TBCD: variants seen among roughly 807,000 people sequenced by gnomAD.
TBCD encodes tubulin folding cofactor D.
Under a neutral mutation model 169.3 loss-of-function variants are expected in TBCD, and 105 were observed. The observed-to-expected ratio is 0.62, with a 90% CI of 0.53 to 0.73. TBCD has a LOEUF of 0.73. TBCD is among the 30% of genes least tolerant of loss of function. The probability of loss-of-function intolerance (pLI) is 0.00; values close to 1 mark genes in which losing one functional copy is unlikely to be tolerated. For missense variants in TBCD, 1,444 were observed against 1,600.1 expected (o/e 0.90, Z 1.66); for synonymous variants, 700 against 643.9 (o/e 1.09, Z -1.32).
intron 13 of TBCD, chr17:82,830,482 G>T (rs2053391614): frequency 1.9e-6 from 3 of 1,613,348 alleles, no homozygotes; most frequent in Non-Finnish European, 2.5e-6. Context: ...GGGGCCTGTG[G>T]GTGGGGCCCC....
intron 11 of TBCD, among the ~76,000 whole-genome samples, chr17:82,808,233 G>A (rs1426841658): frequency 2.0e-5 from 3 of 152,148 alleles, no homozygotes; most frequent in East Asian, 1.9e-4. Flanking sequence ...CAGGGACAGC[G>A]ATACACGTGA....
intron 5 of TBCD, among the ~76,000 whole-genome samples, chr17:82,768,942 A>G (rs565226907): frequency 6.6e-6 from 1 of 152,366 alleles, no homozygotes; most frequent in East Asian, 1.9e-4. Context: ...GAAAAATACT[A>G]AATTTAAATT....
At chr17:82,846,280 G>A (rs1210132623) in intron 13 of TBCD, among the ~76,000 whole-genome samples, 281 of 140,716 alleles carry the variant, frequency 2.0e-3, no homozygotes, top group African/African-American at 7.3e-3. Context: ...GTGTCCTCTT[G>A]TCCAGCCCTC....
intron 7 of TBCD, among the ~76,000 whole-genome samples, chr17:82,795,044 A>G (rs1158948264): frequency 6.6e-6 from 1 of 152,218 alleles, no homozygotes; most frequent in Non-Finnish European, 1.5e-5. Flanking sequence ...CATCCAGGCC[A>G]GTTACAAGAG....
chr17:82,821,546 C>T (rs979860492), intron 13 of TBCD, among the ~76,000 whole-genome samples: 2 of 152,228 alleles, frequency 1.3e-5, no homozygotes, highest in African/African-American at 4.8e-5. Context: ...CAAAGCTTTT[C>T]TCCTGCCTTC....
chr17:82,800,370 G>C (rs146356110), intron 8 of TBCD, among the ~76,000 whole-genome samples: 1 of 152,064 alleles, frequency 6.6e-6, no homozygotes, highest in Non-Finnish European at 1.5e-5. Flanking sequence ...GCATGACACC[G>C]AGTGATTCCC....
intron 13 of TBCD, among the ~76,000 whole-genome samples, chr17:82,819,130 G>A (rs534131142): frequency 1.3e-5 from 2 of 152,214 alleles, no homozygotes; most frequent in African/African-American, 2.4e-5. Flanking sequence ...ATATAGATGA[G>A]CATGTTTGAT....
intron 13 of TBCD, among the ~76,000 whole-genome samples, chr17:82,845,051 G>A (rs575156923): frequency 6.6e-6 from 1 of 152,268 alleles, no homozygotes; most frequent in South Asian, 2.1e-4. Context: ...TGCTCTTGGG[G>A]GTAAGCACCG....
At chr17:82,801,064 C>A (rs572136685) in intron 9 of TBCD, 68 bp downstream of exon 9, 38 of 1,444,956 alleles carry the variant, frequency 2.6e-5, no homozygotes, top group Non-Finnish European at 3.5e-5. Context: ...GGGGGGCAGG[C>A]GCCATTGATG....
chr17:82,833,619 C>T lies in TBCD; in HGVS notation c.1318+18685C>T, dbSNP rs1001042710. ...GTTCCTGCTGGCCAGGAGGCATGGC[C>T]AGCAGCGCCTGCCCGTCCAGATGCA... On this transcript the variant is annotated intron_variant, in intron 13 of 38. Coordinates refer to ENST00000355528, the MANE Select transcript of TBCD (RefSeq NM_005993.5). This position sits in a 1 kb window ranked among gnomAD's most constrained non-coding sequence, Gnocchi z 4.7. Among the ~76,000 whole-genome samples the T allele has an allele frequency of 3.9e-5, 6 of 152,192 alleles. No homozygotes were observed. The highest frequency in any genetic ancestry group is 1.4e-4 in the African/African-American group (6 of 41,442).
intron 16 of TBCD, among the ~76,000 whole-genome samples, chr17:82,891,165 CG>C: frequency 1.3e-5 from 2 of 152,328 alleles, no homozygotes; most frequent in Middle Eastern, 6.8e-3. Flanking sequence ...TAGGGAGCCA[CG>C]GGGCCCTGCA....
In TBCD at chr17:82,800,714, C is replaced by T. The variant is rs771862665; in HGVS notation, c.818-150C>T. The T allele has an allele frequency of 7.4e-5, 70 of 949,022 alleles. 1 individual carries two copies. The highest frequency in any genetic ancestry group is 9.8e-5 in the Non-Finnish European group (65 of 662,144). The allele number at this position is 949,022 out of a possible 1,614,324, so 58.8% of individuals were successfully genotyped here. A position where few individuals can be genotyped will look rare whatever the true frequency, so the allele number is the denominator to read the frequency against. ...TCGAGTAGGTTCAACTCCAGCAGCTCTTGGTTCATGATTTGGGATGATGGG... is the reference window on the plus strand; with the variant it reads ...TCGAGTAGGTTCAACTCCAGCAGCTTTTGGTTCATGATTTGGGATGATGGG... On this transcript the variant is annotated intron_variant, in intron 8 of 38. Transcript: ENST00000355528.
chr17:82,886,691 C>G (rs192614277), intron 15 of TBCD, among the ~76,000 whole-genome samples: 1,477 of 61,144 alleles, frequency 0.024, 32 homozygotes, highest in Non-Finnish European at 0.039. Context: ...CTCCCCTCCC[C>G]TCCCCTCCCA....
chr17:82,939,326 T>TG, intron 36 of TBCD, 41 bp from the exon 37 acceptor site: 3 of 1,531,038 alleles, frequency 2.0e-6, no homozygotes, highest in Non-Finnish European at 2.7e-6. Context: ...GGTGGGGCGG[T>TG]GGCGCTTCCC....
At chr17:82,818,592 A>G in intron 13 of TBCD, among the ~76,000 whole-genome samples, 1 of 151,714 alleles carries the variant, frequency 6.6e-6, no homozygotes. Flanking sequence ...ATAGTGAGAC[A>G]CCCTCTCTGA....
intron 4 of TBCD, among the ~76,000 whole-genome samples, chr17:82,767,995 G>A (rs745370933): frequency 2.0e-5 from 3 of 150,672 alleles, no homozygotes; most frequent in South Asian, 4.2e-4. Flanking sequence ...TGATCCGCTC[G>A]TCTCGGCCTC....
chr17:82,870,696 A>AGG (rs1837377533), intron 14 of TBCD, among the ~76,000 whole-genome samples: 1 of 152,172 alleles, frequency 6.6e-6, no homozygotes, highest in Non-Finnish European at 1.5e-5. Flanking sequence ...CCCTGCAGGC[A>AGG]GCAGATTCTT....
At chr17:82,759,693 G>A (rs932000119) in intron 2 of TBCD, among the ~76,000 whole-genome samples, 1 of 152,082 alleles carries the variant, frequency 6.6e-6, no homozygotes, top group Non-Finnish European at 1.5e-5. Flanking sequence ...TTGGTAGTAC[G>A]GTTAGAAAGT....
rs373019747 is a variant in TBCD, at chr17:82,896,532, C to T, written c.1649+2900C>T. 1.6e-3 allele frequency among the ~76,000 whole-genome samples: 237 copies of T among 145,568 alleles called. 8 individuals are homozygous for T. The East Asian group carries it at 0.037, about 23-fold the overall frequency. ...CCAGGCTGGAGTGTGGTGGCGCAAT[C>T]GCGGCTCCCTGCAGCCTCGACCTCT... On this transcript the variant is annotated intron_variant, in intron 17 of 38. Transcript: ENST00000355528.
Sources: allele counts gnomAD v4.1 joint callset (sites outside exome capture counted in the v4.1 genomes callset), GRCh38; gene constraint gnomAD v4.1.1; non-coding constraint Gnocchi (gnomAD v3.1); transcripts MANE v1.5; gene names NCBI Gene and HGNC (gene_info 2026-07-23, HGNC 2026-07-21).